The following TSPAN12 variants were observed in gnomAD, a reference collection of about 807,000 sequenced individuals.
TSPAN12 encodes the protein tetraspanin-12.
A neutral mutation model predicts 39.2 loss-of-function variants in TSPAN12; 19 were observed. That is an observed-to-expected ratio of 0.49 (90% CI 0.34 to 0.71). TSPAN12 has a LOEUF of 0.71. Among genes scored for constraint, TSPAN12 ranks in the 30% least tolerant of loss-of-function variants. The probability of loss-of-function intolerance (pLI) is 0.01; values close to 1 mark genes in which losing one functional copy is unlikely to be tolerated. For synonymous variants in TSPAN12, 119 were observed against 124.8 expected, an observed-to-expected ratio of 0.95 and a Z score of 0.31; for missense variants, 314 against 359.9, an observed-to-expected ratio of 0.87 and a Z score of 1.03.
chr7:120,815,002 A>G (rs575698370), intron 5 of TSPAN12, among the ~76,000 whole-genome samples: 2 of 152,344 alleles, frequency 1.3e-5, no homozygotes, highest in African/African-American at 4.8e-5. Context: ...GTAGGTGTTC[A>G]AGAATTTTCA....
chr7:120,798,629 A>T (rs1461564738), intron 7 of TSPAN12, among the ~76,000 whole-genome samples: 2 of 152,118 alleles, frequency 1.3e-5, no homozygotes, highest in Admixed American at 1.3e-4. Flanking sequence ...TTCCCTTTTT[A>T]TTTGGCAACT....
chr7:120,811,450 C>T (rs947012725), intron 5 of TSPAN12, among the ~76,000 whole-genome samples: 3 of 151,956 alleles, frequency 2.0e-5, no homozygotes, highest in African/African-American at 7.3e-5. Context: ...GGGCGGATCA[C>T]GAGGTCAGGA....
chr7:120,842,684 C>A (rs533363483), intron 2 of TSPAN12, among the ~76,000 whole-genome samples: 1 of 152,242 alleles, frequency 6.6e-6, no homozygotes, highest in East Asian at 1.9e-4. Flanking sequence ...GGCAGTGGGT[C>A]TCCTGCAGAA....
chr7:120,809,219 C>G (rs1230238065), intron 6 of TSPAN12, among the ~76,000 whole-genome samples: 1 of 152,072 alleles, frequency 6.6e-6, no homozygotes, highest in Non-Finnish European at 1.5e-5. Flanking sequence ...CATTGTCCAT[C>G]TAGGTGCAGC....
intron 2 of TSPAN12, among the ~76,000 whole-genome samples, chr7:120,846,566 T>C (rs1414416074): frequency 6.6e-6 from 1 of 152,238 alleles, no homozygotes; most frequent in African/African-American, 2.4e-5. Context: ...ATTTCTTATA[T>C]GGCAGGATGA....
chr7:120,805,553 C>T (rs138429930), intron 7 of TSPAN12, among the ~76,000 whole-genome samples: 1 of 152,080 alleles, frequency 6.6e-6, no homozygotes, highest in African/African-American at 2.4e-5. Context: ...CCTTGTGATA[C>T]CAGGTACTTG....
intron 7 of TSPAN12, among the ~76,000 whole-genome samples, chr7:120,796,613 A>T (rs1251051312): frequency 6.6e-6 from 1 of 152,048 alleles, no homozygotes; most frequent in Non-Finnish European, 1.5e-5. Context: ...AAATCTCTAC[A>T]CTCAGCTTGC....
rs1236558500 is a variant in TSPAN12, at chr7:120,838,817, T to C, written c.245A>G (p.Tyr82Cys). Residue 82 changes from tyrosine to cysteine, a missense_variant, in exon 4 of 8, where the codon TAT becomes TGT. Tyr to Cys is a radical substitution (Grantham distance 194, BLOSUM62 -2). Coordinates refer to ENST00000222747, the MANE Select transcript of TSPAN12 (RefSeq NM_012338.4). ...CAGATTTCTTTTCACCGTTCCACAA[T>C]ATCCTAACATCCCCACAATGATAAG... ...CFLIIVGMLG[Y>C]CGTVKRNLLL... 4 of 1,613,886 alleles carry C rather than the reference T, an allele frequency of 2.5e-6. No homozygotes were observed. The African/African-American group carries it at 4.0e-5, about 16-fold the overall frequency.
chr7:120,826,711 A>G (rs1296423354), intron 4 of TSPAN12, among the ~76,000 whole-genome samples: 1 of 152,060 alleles, frequency 6.6e-6, no homozygotes, highest in Non-Finnish European at 1.5e-5. Flanking sequence ...CACTATAGTC[A>G]GCATCTTTAT....
chr7:120,848,711 C>G (rs996415667), intron 2 of TSPAN12, among the ~76,000 whole-genome samples: 1 of 152,118 alleles, frequency 6.6e-6, no homozygotes, highest in African/African-American at 2.4e-5. Flanking sequence ...TAACACCAAG[C>G]CTTACTCTAT....
At position 120,810,507 on chromosome 7, in the gene TSPAN12, T is replaced by C. The variant is rs751444669; in HGVS notation, c.424A>G (p.Arg142Gly). Residue 142 changes from arginine (R) to glycine (G), a missense_variant, in exon 6 of 8, where the codon AGA (arginine) becomes GGA (glycine). Arg to Gly is a moderately radical substitution (Grantham distance 125). Coordinates refer to ENST00000222747, the MANE Select transcript of TSPAN12 (RefSeq NM_012338.4). ...CAAGCATGAGTAAGCCACCGATATC[T>C]AGGTAATCCATAATTTGTCATCCTG... Reference protein sequence around the residue: ...KARMTNYGLPRYRWLTHAWNF... With the variant: ...KARMTNYGLPGYRWLTHAWNF... The C allele has an allele frequency of 1.9e-6, 3 of 1,613,898 alleles. 1 individual carries two copies. The South Asian group carries it at 3.3e-5, about 18-fold the overall frequency.
At chr7:120,790,596 G>C (rs1418918901) in intron 7 of TSPAN12, among the ~76,000 whole-genome samples, 1 of 152,208 alleles carries the variant, frequency 6.6e-6, no homozygotes, top group Non-Finnish European at 1.5e-5. Flanking sequence ...GAAAACACCA[G>C]AAGCACAGCA....
chr7:120,806,202 A>G (rs1245101237), intron 7 of TSPAN12, among the ~76,000 whole-genome samples: 4 of 151,412 alleles, frequency 2.6e-5, no homozygotes, highest in Non-Finnish European at 5.9e-5. Flanking sequence ...CTGTCCAGGA[A>G]CTCCAAACCC....
chr7:120,835,690 A>T (rs1584946644), intron 4 of TSPAN12, among the ~76,000 whole-genome samples: 1 of 152,228 alleles, frequency 6.6e-6, no homozygotes, highest in African/African-American at 2.4e-5. Context: ...TTTAAAAAAA[A>T]TTCAGGTAAA....
chr7:120,827,295 C>T (rs890741202), intron 4 of TSPAN12, among the ~76,000 whole-genome samples: 15 of 152,092 alleles, frequency 9.9e-5, no homozygotes, highest in Admixed American at 7.9e-4. Flanking sequence ...GAAATAGTTT[C>T]GTTTAAATTT....
Position 120,820,137 on chromosome 7 carries a change from T to C in TSPAN12, c.286-4334A>G, listed in dbSNP as rs182924926. ...ATGAGATGGTCTGTACCAGTCTAGT[T>C]TGCAAAGCAACTCACCCTCTCTTCT... On this transcript the variant is annotated intron_variant, in intron 4 of 7. Transcript: ENST00000222747. Among the ~76,000 whole-genome samples the C allele has an allele frequency of 1.2e-3, 181 of 152,262 alleles. 1 individual carries two copies. Among genetic ancestry groups the C allele is most frequent in the Non-Finnish European group, 2.0e-3 (138 of 68,002 alleles).
intron 2 of TSPAN12, among the ~76,000 whole-genome samples, chr7:120,845,166 T>C (rs918092007): frequency 6.6e-6 from 1 of 151,946 alleles, no homozygotes; most frequent in Non-Finnish European, 1.5e-5. Flanking sequence ...TCATAGGGAG[T>C]AGTGTCCCAA....
chr7:120,809,192 C>A (rs1288020546), intron 6 of TSPAN12, among the ~76,000 whole-genome samples: 3 of 151,988 alleles, frequency 2.0e-5, no homozygotes, highest in Non-Finnish European at 2.9e-5. Flanking sequence ...AGTGTGCTAT[C>A]ATTTGCAGTA....
In TSPAN12 at chr7:120,838,787, A is replaced by C; in HGVS notation, c.275T>G (p.Leu92Arg). 6.2e-7 allele frequency: 1 copy of C among 1,613,966 alleles called. No individual in the cohort carries two copies. Among genetic ancestry groups the C allele is most frequent in the Non-Finnish European group, 8.5e-7 (1 of 1,179,888 alleles). The part of the protein sequence containing the change: ...YCGTVKRNLL[L>R]LAWYFGSLLV... The stretch of plus-strand genomic sequence containing the variant: ...AATATAACATCATACCCATGCAAGA[A>C]GCAACAGATTTCTTTTCACCGTTCC... The change falls in exon 4 of 8, where the codon CTT becomes CGT. Residue 92 changes from leucine (L) to arginine (R), a missense_variant. Coordinates refer to ENST00000222747, the MANE Select transcript of TSPAN12 (RefSeq NM_012338.4).
Sources: gnomAD v4.1 joint callset for allele counts (sites outside exome capture counted in the v4.1 genomes callset) on GRCh38, gnomAD v4.1.1 for gene constraint, MANE v1.5 for transcripts, NCBI Gene and HGNC (gene_info 2026-07-23, HGNC 2026-07-21) for gene names.